Variants in FOXP1 observed in about 807,000 individuals in gnomAD.
The protein encoded by FOXP1 is forkhead box protein P1.
FOXP1 carries 15 observed loss-of-function variants against 98.2 expected under a neutral mutation model. The ratio of observed to expected loss-of-function variants is 0.15; its 90% confidence interval spans 0.10 to 0.24. The LOEUF is 0.24. Among genes scored for constraint, FOXP1 ranks in the 10% least tolerant of loss-of-function variants. The pLI is 1.00. For missense variants in FOXP1, 633 were observed against 848.5 expected, an observed-to-expected ratio of 0.75 and a Z score of 3.15; for synonymous variants, 371 against 314.5, an observed-to-expected ratio of 1.18 and a Z score of -1.90.
chr3:71,580,774 A>G, intron 2 of FOXP1: 6 of 985,130 alleles, frequency 6.1e-6, no homozygotes, highest in Non-Finnish European at 7.2e-6. Context: ...GGTCTTCTCA[A>G]CTCAGCTATT....
At chr3:71,401,183 T>A (rs1475146968) in intron 3 of FOXP1, among the ~76,000 whole-genome samples, 2 of 152,242 alleles carry the variant, frequency 1.3e-5, no homozygotes, top group African/African-American at 4.8e-5. Flanking sequence ...TATCTTTATT[T>A]ATCAACTCCC....
At chr3:71,142,053 AC>A (rs1224739680) in intron 6 of FOXP1, among the ~76,000 whole-genome samples, 4 of 152,330 alleles carry the variant, frequency 2.6e-5, no homozygotes, top group African/African-American at 7.2e-5. Flanking sequence ...TTCTTCTTCA[AC>A]CCTTTTAAGG....
intron 2 of FOXP1, among the ~76,000 whole-genome samples, chr3:71,554,948 G>A (rs1233680279): frequency 6.6e-6 from 1 of 152,096 alleles, no homozygotes; most frequent in Non-Finnish European, 1.5e-5. Flanking sequence ...ATATTTTATA[G>A]AAGTTAATGT....
intron 2 of FOXP1, among the ~76,000 whole-genome samples, chr3:71,507,474 G>A (rs1036924358): frequency 5.3e-5 from 8 of 151,978 alleles, no homozygotes; most frequent in Non-Finnish European, 8.8e-5. Flanking sequence ...GAAATATTAT[G>A]CAACCATTAA....
intron 4 of FOXP1, among the ~76,000 whole-genome samples, chr3:71,326,110 AT>A (rs1434061756): frequency 6.6e-6 from 1 of 152,116 alleles, no homozygotes; most frequent in Admixed American, 6.5e-5. Flanking sequence ...TCGTTATACC[AT>A]TTTTTACATG....
At chr3:71,445,859 G>T (rs2108477119) in intron 3 of FOXP1, among the ~76,000 whole-genome samples, 1 of 152,002 alleles carries the variant, frequency 6.6e-6, no homozygotes, top group South Asian at 2.1e-4. Flanking sequence ...AGCTAATTTT[G>T]TATTTTTAGT....
chr3:71,319,320 T>C (rs965066266), intron 4 of FOXP1, among the ~76,000 whole-genome samples: 1 of 152,154 alleles, frequency 6.6e-6, no homozygotes, highest in African/African-American at 2.4e-5. Context: ...ATTTCTGTCA[T>C]AAATATATGA....
rs886217155 is a variant in FOXP1, at chr3:71,371,968, C to T, written c.-167-12724G>A. 3.3e-5 allele frequency among the ~76,000 whole-genome samples: 5 copies of T among 152,090 alleles called. 1 individual carries two copies. Among genetic ancestry groups the T allele is most frequent in the Admixed American group, 1.3e-4 (2 of 15,264 alleles). Reference sequence around the variant, plus strand: ...TTCATTCTCTGCAGGAAAGGTTCTTCCCCTGGCTCTTTGTACATGAGGATC... The same window carrying T: ...TTCATTCTCTGCAGGAAAGGTTCTTTCCCTGGCTCTTTGTACATGAGGATC... On this transcript the variant is annotated intron_variant, in intron 3 of 20. Coordinates refer to ENST00000649528, the MANE Select transcript of FOXP1 (RefSeq NM_001349338.3).
chr3:71,374,051 G>A (rs551809138), intron 3 of FOXP1, among the ~76,000 whole-genome samples: 3 of 152,152 alleles, frequency 2.0e-5, no homozygotes, highest in African/African-American at 7.2e-5. Flanking sequence ...CATAATTAAA[G>A]CACCCGTCTG....
chr3:70,967,777 T>A (rs1372793605), intron 19 of FOXP1, among the ~76,000 whole-genome samples: 1 of 137,380 alleles, frequency 7.3e-6, no homozygotes. Context: ...CTGAGAGAGG[T>A]GTGACCACTG....
intron 2 of FOXP1, among the ~76,000 whole-genome samples, chr3:71,506,548 C>G (rs1364971823): frequency 6.6e-6 from 1 of 152,190 alleles, no homozygotes; most frequent in Non-Finnish European, 1.5e-5. Context: ...ATCCTTCCCC[C>G]AGTACCAGGC....
chr3:71,167,149 T>C (rs2061432524), intron 6 of FOXP1, among the ~76,000 whole-genome samples: 1 of 151,652 alleles, frequency 6.6e-6, no homozygotes, highest in Non-Finnish European at 1.5e-5. Flanking sequence ...GATGAAGATG[T>C]TATTATGTGG....
intron 3 of FOXP1, among the ~76,000 whole-genome samples, chr3:71,463,971 A>C (rs2088431310): frequency 1.3e-5 from 2 of 152,166 alleles, no homozygotes; most frequent in South Asian, 4.1e-4. Context: ...CCAATCTGTA[A>C]ATGAGGTACA....
At chr3:70,964,085 G>C (rs1359360574) in intron 20 of FOXP1, among the ~76,000 whole-genome samples, 2 of 152,198 alleles carry the variant, frequency 1.3e-5, no homozygotes, top group Non-Finnish European at 2.9e-5. Flanking sequence ...GTCAAAAAGA[G>C]TAACAGTCTA....
intron 3 of FOXP1, among the ~76,000 whole-genome samples, chr3:71,455,929 TC>T (rs1242101286): frequency 6.6e-6 from 1 of 152,212 alleles, no homozygotes; most frequent in South Asian, 2.1e-4. Flanking sequence ...TTTAAAGTGT[TC>T]TTTTTTTGTG....
At chr3:71,307,250 T>A (rs2074346710) in intron 4 of FOXP1, among the ~76,000 whole-genome samples, 1 of 152,224 alleles carries the variant, frequency 6.6e-6, no homozygotes, top group Admixed American at 6.5e-5. Context: ...CCTTCGAGAA[T>A]GCTGTGATTA....
At chr3:71,485,825 T>C (rs1471852191) in intron 3 of FOXP1, among the ~76,000 whole-genome samples, 1 of 151,100 alleles carries the variant, frequency 6.6e-6, no homozygotes, top group Non-Finnish European at 1.5e-5. Context: ...TCCAGTGGCA[T>C]GACTCTGGGG....
Position 71,581,648 on chromosome 3 carries a change from C to CCGCT in FOXP1, c.-401_-398dup, listed in dbSNP as rs1224542334. The CCGCT allele has an allele frequency of 3.1e-4, 307 of 985,894 alleles. No homozygotes were observed. The Middle Eastern group carries it at 5.2e-3, about 17-fold the overall frequency. The allele number at this position is 985,894 out of a possible 1,614,324, so 61.1% of individuals were successfully genotyped here. On this transcript the variant is annotated 5_prime_UTR_variant, in exon 2 of 21. Coordinates refer to ENST00000649528, the MANE Select transcript of FOXP1 (RefSeq NM_001349338.3). ...CGGCGCCGCTGCCGCTGCCCCCGGC[C>CCGCT]CGCTCGCTCGCTCGCCGCGCGCTCT...
intron 6 of FOXP1, among the ~76,000 whole-genome samples, chr3:71,141,426 C>T (rs536143629): frequency 1.3e-5 from 2 of 152,174 alleles, no homozygotes; most frequent in East Asian, 1.9e-4. Context: ...TCCCCTCCCC[C>T]ACTTTTAAGA....
Sources: gnomAD v4.1 joint callset for allele counts (sites outside exome capture counted in the v4.1 genomes callset) on GRCh38, gnomAD v4.1.1 for gene constraint, MANE v1.5 for transcripts, NCBI Gene and HGNC (gene_info 2026-07-23, HGNC 2026-07-21) for gene names.